Variants in RBM20 observed in about 807,000 individuals in gnomAD.
RBM20 encodes the protein RNA binding motif protein 20, also known as RNA-binding protein 20.
RBM20 carries 51 observed loss-of-function variants against 110.1 expected under a neutral mutation model. The ratio of observed to expected loss-of-function variants is 0.46; its 90% CI spans 0.37 to 0.59. RBM20 has a LOEUF of 0.59. RBM20 is among the 20% of genes least tolerant of loss of function. The pLI is 0.00. For synonymous variants in RBM20, 589 were observed against 618.2 expected (o/e 0.95, Z 0.70); for missense variants, 1,512 against 1,574.9 (o/e 0.96, Z 0.68).
intron 1 of RBM20, among the ~76,000 whole-genome samples, chr10:110,691,726 C>G (rs926927465): frequency 6.6e-6 from 1 of 152,140 alleles, no homozygotes; most frequent in South Asian, 2.1e-4. Flanking sequence ...TGTGTGTTGT[C>G]TTTTTACTCT....
intron 1 of RBM20, among the ~76,000 whole-genome samples, chr10:110,656,904 T>C (rs987131243): frequency 5.9e-5 from 9 of 152,254 alleles, no homozygotes; most frequent in African/African-American, 1.9e-4. Context: ...TTCCACCTTT[T>C]TACTATTGTG....
chr10:110,651,442 T>C (rs887251110), intron 1 of RBM20, among the ~76,000 whole-genome samples: 3 of 152,208 alleles, frequency 2.0e-5, no homozygotes, highest in Non-Finnish European at 2.9e-5. Flanking sequence ...AAAAATGTTT[T>C]TGGTATAAGA....
At chr10:110,729,822 T>C (rs569939307) in intron 1 of RBM20, among the ~76,000 whole-genome samples, 1 of 152,300 alleles carries the variant, frequency 6.6e-6, no homozygotes, top group East Asian at 1.9e-4. Flanking sequence ...TTCCCCCTTT[T>C]ATTTATTTAT....
chr10:110,797,410 T>C lies in RBM20; in HGVS notation c.1528-98T>C, dbSNP rs1844563717. ...AATTTTGTAAATTATAGTTTTACAA[T>C]CATTGTTTAGGGGAAAGATAGCCAT... On this transcript the variant is annotated intron_variant, in intron 5 of 13. Transcript: ENST00000369519. 2.5e-6 allele frequency: 3 copies of C among 1,206,800 alleles called. No individual in the cohort carries two copies. In the African/African-American group the frequency reaches 4.6e-5, roughly 19 times the overall value. 74.8% of individuals were successfully genotyped at this position (1,206,800 alleles called of 1,614,324 possible).
chr10:110,784,230 C>A, intron 3 of RBM20, 111 bp from the exon 4 acceptor site: 1 of 742,986 alleles, frequency 1.3e-6, no homozygotes, highest in Non-Finnish European at 2.3e-6. Context: ...TGTTTGAACA[C>A]CTGTTTTCAA....
intron 1 of RBM20, among the ~76,000 whole-genome samples, chr10:110,757,798 G>A (rs1025259637): frequency 2.0e-5 from 3 of 152,112 alleles, no homozygotes; most frequent in Non-Finnish European, 4.4e-5. Context: ...CAGCCTCCCA[G>A]ATAGATGCTC....
intron 1 of RBM20, among the ~76,000 whole-genome samples, chr10:110,732,920 C>T (rs1843633877): frequency 2.0e-5 from 3 of 152,140 alleles, no homozygotes; most frequent in Admixed American, 2.0e-4. Context: ...CAAGAATGAC[C>T]AATCTCAGTG....
rs1318750324 is a variant in RBM20, at chr10:110,838,832, TG to T, written c.*2855del. ...TTAAAATCATCTAAGAGTCTATACT[TG>T]TGTGTACATACGTATTTATTTTTAT... On this transcript the variant is annotated 3_prime_UTR_variant, in exon 14 of 14. Transcript: ENST00000369519. 1.3e-5 allele frequency: 2 copies of T among 152,246 alleles called. No homozygotes were observed. The highest frequency in any genetic ancestry group is 4.1e-4 in the South Asian group (2 of 4,830). 9.4% of individuals were successfully genotyped at this position (152,246 alleles called of 1,614,324 possible).
At chr10:110,691,388 T>C (rs760195653) in intron 1 of RBM20, among the ~76,000 whole-genome samples, 54 of 152,220 alleles carry the variant, frequency 3.5e-4, no homozygotes, top group Non-Finnish European at 2.8e-4. Context: ...CATTTTATGT[T>C]CCCACCAGCA....
At chr10:110,778,161 G>A (rs996160282) in intron 1 of RBM20, among the ~76,000 whole-genome samples, 3 of 152,162 alleles carry the variant, frequency 2.0e-5, no homozygotes, top group Non-Finnish European at 4.4e-5. Context: ...AGGAGAACAG[G>A]GCTGTAACTA....
intron 1 of RBM20, among the ~76,000 whole-genome samples, chr10:110,700,559 T>C (rs1862742564): frequency 1.3e-5 from 2 of 152,076 alleles, no homozygotes. Flanking sequence ...CTCAACAGGG[T>C]CTTTAGGGAC....
At chr10:110,778,173 C>T (rs942768532) in intron 1 of RBM20, among the ~76,000 whole-genome samples, 1 of 152,194 alleles carries the variant, frequency 6.6e-6, no homozygotes. Context: ...CTGTAACTAC[C>T]TTTAACTTTC....
intron 1 of RBM20, among the ~76,000 whole-genome samples, chr10:110,767,090 C>A (rs1430405982): frequency 2.3e-5 from 3 of 129,098 alleles, no homozygotes; most frequent in African/African-American, 5.9e-5. Flanking sequence ...GTGACCCCCC[C>A]ACCTCCCTCC....
At chr10:110,802,455 A>G (rs1844640745) in intron 7 of RBM20, among the ~76,000 whole-genome samples, 1 of 147,140 alleles carries the variant, frequency 6.8e-6, no homozygotes, top group Non-Finnish European at 1.5e-5. Flanking sequence ...ACCCCATTCT[A>G]TATCCAACCA....
chr10:110,781,982 C>A, intron 2 of RBM20, 98 bp downstream of exon 2: 1 of 1,435,004 alleles, frequency 7.0e-7, no homozygotes. Flanking sequence ...GGAACTGTTG[C>A]ATTGGGGTAA....
At chr10:110,822,951 C>T (rs1328076964) in intron 11 of RBM20, among the ~76,000 whole-genome samples, 1 of 152,212 alleles carries the variant, frequency 6.6e-6, no homozygotes, top group Non-Finnish European at 1.5e-5. Context: ...ATCTTCACCT[C>T]ACTCCAATCA....
chr10:110,694,406 C>T (rs1862631660), intron 1 of RBM20, among the ~76,000 whole-genome samples: 1 of 152,150 alleles, frequency 6.6e-6, no homozygotes, highest in Non-Finnish European at 1.5e-5. Flanking sequence ...TGGGCTAGCT[C>T]TTATGTCAAA....
intron 1 of RBM20, among the ~76,000 whole-genome samples, chr10:110,673,946 G>A (rs982596301): frequency 2.6e-5 from 4 of 152,188 alleles, no homozygotes; most frequent in Non-Finnish European, 5.9e-5. Flanking sequence ...TGGGGAGAAT[G>A]AATCTACCAG....
intron 1 of RBM20, among the ~76,000 whole-genome samples, chr10:110,752,946 T>TATATA (rs372172985): frequency 6.7e-4 from 42 of 62,324 alleles, no homozygotes; most frequent in African/African-American, 2.1e-3. Context: ...TATATATATA[T>TATATA]TTTTTTTTTT....
Sources: allele counts gnomAD v4.1 joint callset (sites outside exome capture counted in the v4.1 genomes callset), GRCh38; gene constraint gnomAD v4.1.1; transcripts MANE v1.5; gene names NCBI Gene and HGNC (gene_info 2026-07-23, HGNC 2026-07-21).